MYO19: variants seen among roughly 807,000 people sequenced by gnomAD.
MYO19 encodes the protein myosin XIX, also known as unconventional myosin-XIX.
A neutral mutation model predicts 129.2 loss-of-function variants in MYO19; 132 were observed. The ratio of observed to expected loss-of-function variants is 1.02; its 90% CI spans 0.89 to 1.18. MYO19 has a LOEUF of 1.18. Ranked by LOEUF, MYO19 falls within the 50% of genes most tolerant of loss-of-function variation. The probability of loss-of-function intolerance (pLI) is 0.00; values close to 1 mark genes in which losing one functional copy is unlikely to be tolerated. For synonymous variants in MYO19, 531 were observed against 477.2 expected (o/e 1.11, Z -1.47); for missense variants, 1,210 against 1,216.7 (o/e 0.99, Z 0.08).
chr17:36,500,231 G>C (rs1457524740), intron 23 of MYO19: 1 of 152,268 alleles, frequency 6.6e-6, no homozygotes, highest in Admixed American at 6.5e-5. Flanking sequence ...TTAATATGTA[G>C]TTTGACATCT....
intron 2 of MYO19, 122 bp downstream of exon 2, chr17:36,533,831 A>C (rs956720872): frequency 6.6e-6 from 1 of 152,270 alleles, no homozygotes; most frequent in Non-Finnish European, 1.5e-5. Context: ...GTTTGAATCC[A>C]AAACCCAAGG....
At chr17:36,544,729 G>A (rs1247927637), upstream of MYO19, among the ~76,000 whole-genome samples, 1 of 152,196 alleles carries the variant, frequency 6.6e-6, no homozygotes, top group Non-Finnish European at 1.5e-5. Flanking sequence ...CTAGCGGAAT[G>A]GCTGGGCTCC....
At position 36,503,943 on chromosome 17, in the gene MYO19, C is replaced by T. The variant is rs762551562; in HGVS notation, c.1976+7G>A. 1.3e-6 allele frequency: 2 copies of T among 1,586,792 alleles called. No individual in the cohort carries two copies. Among genetic ancestry groups the T allele is most frequent in the Admixed American group, 1.8e-5 (1 of 55,864 alleles). On this transcript the variant is annotated splice_region_variant and intron_variant, in intron 20 of 25. Coordinates refer to ENST00000614623, the MANE Select transcript of MYO19 (RefSeq NM_001163735.2). ...CCCTGCACTGTGCCGTGATCGAGCC[C>T]ACTCACCGGATGGGGAAGCCAGCAG...
At chr17:36,515,434 C>T (rs1483572406) in intron 7 of MYO19, among the ~76,000 whole-genome samples, 1 of 152,180 alleles carries the variant, frequency 6.6e-6, no homozygotes, top group African/African-American at 2.4e-5. Context: ...AGGGACCTTT[C>T]TTTGAAGGGA....
intron 24 of MYO19, 23 bp from the exon 25 acceptor site, chr17:36,498,582 A>G (rs1599194470): frequency 1.3e-6 from 2 of 1,585,388 alleles, no homozygotes; most frequent in East Asian, 2.3e-5. Flanking sequence ...ATATCCCTTT[A>G]TAGCTTTAGA....
At chr17:36,497,175 C>CAA (rs34705114) in intron 25 of MYO19, among the ~76,000 whole-genome samples, 1,698 of 147,636 alleles carry the variant, frequency 0.012, 27 homozygotes, top group African/African-American at 0.037. Context: ...ATTAAAAATA[C>CAA]AAAAAAAAAA....
Position 36,509,142 on chromosome 17 carries a change from G to C in MYO19, c.1158-7C>G. 1 of 1,613,538 alleles carries C rather than the reference G, an allele frequency of 6.2e-7. No homozygotes were observed. Among genetic ancestry groups the C allele is most frequent in the Non-Finnish European group, 8.5e-7 (1 of 1,179,664 alleles). ...TACCAGCCAGTCAAACAACCTGTTG[G>C]GGGAAGAGAGTGGACTCTGGTAAGA... On this transcript the variant is annotated splice_polypyrimidine_tract_variant and splice_region_variant and intron_variant, in intron 13 of 25. Transcript: ENST00000614623.
Position 36,513,489 on chromosome 17 carries a change from C to T in MYO19, c.834G>A (p.Val278=), listed in dbSNP as rs1406859702. The T allele has an allele frequency of 6.2e-7, 1 of 1,613,816 alleles. No homozygotes were observed. The highest frequency in any genetic ancestry group is 2.2e-5 in the East Asian group (1 of 44,896). The change falls in exon 11 of 26, where the codon GTG becomes GTA. Residue 278 remains valine (V), a synonymous_variant. Coordinates refer to ENST00000614623, the MANE Select transcript of MYO19 (RefSeq NM_001163735.2). ...ERSLEEDCFE[V]TREAMLHLGI... is the part of the protein sequence containing the mutation. ...CCAAATGGAGCATGGCCTCTCTGGTCACCTCAAAACAATCCTCTGAAAAAG... is the reference window on the plus strand; with the variant it reads ...CCAAATGGAGCATGGCCTCTCTGGTTACCTCAAAACAATCCTCTGAAAAAG...
At chr17:36,506,353 A>T in intron 18 of MYO19, 103 bp downstream of exon 18, 1 of 1,458,972 alleles carries the variant, frequency 6.9e-7, no homozygotes, top group Non-Finnish European at 9.6e-7. Context: ...TTGACTTGCC[A>T]CTGCTCCCCA....
chr17:36,513,579 G>A (rs1368465741), intron 10 of MYO19, 50 bp downstream of exon 10: 4 of 1,613,560 alleles, frequency 2.5e-6, no homozygotes, highest in Non-Finnish European at 3.4e-6. Context: ...TGTACAGAGT[G>A]GGTGGGTGAT....
Position 36,513,680 on chromosome 17 carries a change from G to A in MYO19, c.766C>T (p.Pro256Ser). The A allele has an allele frequency of 6.2e-7, 1 of 1,613,966 alleles. No individual in the cohort carries two copies. Among genetic ancestry groups the A allele is most frequent in the African/African-American group, 1.3e-5 (1 of 75,062 alleles). Residue 256 changes from proline (P) to serine (S), a missense_variant, in exon 10 of 26, where the codon CCT (proline) becomes TCT (serine). Transcript: ENST00000614623. The stretch of plus-strand genomic sequence containing the variant: ...AGCCAGGAGAAGGCAGCTCCCTCAG[G>A]AAGGTGCCACTGGAGCCTCTCGTCC... ...SEDERLQWHL[P>S]EGAAFSWLPN...
At chr17:36,537,341 C>T, upstream of MYO19, 1 of 1,613,902 alleles carries the variant, frequency 6.2e-7, no homozygotes, top group South Asian at 1.1e-5. Flanking sequence ...CATTTATCCT[C>T]CTTGAGCTTC....
intron 5 of MYO19, among the ~76,000 whole-genome samples, chr17:36,526,707 T>A (rs2073488651): frequency 6.6e-6 from 1 of 151,276 alleles, no homozygotes; most frequent in East Asian, 1.9e-4. Flanking sequence ...GCCAACATGG[T>A]GAAACCCCAT....
chr17:36,521,305 T>TA (rs1204212159), intron 6 of MYO19, among the ~76,000 whole-genome samples: 1 of 152,226 alleles, frequency 6.6e-6, no homozygotes, highest in Non-Finnish European at 1.5e-5. Context: ...CATTATTTCA[T>TA]AAGCCTCTTT....
intron 3 of MYO19, among the ~76,000 whole-genome samples, chr17:36,531,936 G>A (rs574161153): frequency 1.3e-5 from 2 of 152,312 alleles, no homozygotes; most frequent in South Asian, 2.1e-4. Flanking sequence ...TACACATGAA[G>A]GATGATATGG....
chr17:36,512,729 G>A, intron 11 of MYO19: 1 of 1,289,044 alleles, frequency 7.8e-7, no homozygotes, highest in Non-Finnish European at 1.0e-6. Flanking sequence ...TCCCTGAAGT[G>A]GCCTCCCTTT....
chr17:36,532,289 T>C (rs897087601), intron 3 of MYO19, among the ~76,000 whole-genome samples: 1 of 152,142 alleles, frequency 6.6e-6, no homozygotes, highest in Non-Finnish European at 1.5e-5. Flanking sequence ...CAAAGTGCCC[T>C]AAGGATTCCC....
At position 36,525,359 on chromosome 17, in the gene MYO19, G is replaced by A; in HGVS notation, c.301-18C>T. On this transcript the variant is annotated intron_variant, in intron 5 of 25. Transcript: ENST00000614623. ...TTCAGTTTCTGGAACATCAAGGAGT[G>A]AAAGGTCATGTGAGGGAATGCCTGT... The A allele has an allele frequency of 6.4e-7, 1 of 1,558,636 alleles. No homozygotes were observed. Among genetic ancestry groups the A allele is most frequent in the Non-Finnish European group, 8.8e-7 (1 of 1,130,448 alleles).
At chr17:36,504,972 G>A (rs1014119850) in intron 19 of MYO19, 13 of 486,082 alleles carry the variant, frequency 2.7e-5, no homozygotes, top group African/African-American at 5.8e-5. Flanking sequence ...TGCACTGTGC[G>A]GGGACTGTGT....
Sources: gnomAD v4.1 joint callset for allele counts (sites outside exome capture counted in the v4.1 genomes callset) on GRCh38, gnomAD v4.1.1 for gene constraint, MANE v1.5 for transcripts, NCBI Gene and HGNC (gene_info 2026-07-23, HGNC 2026-07-21) for gene names.